Variants in DYNC1I1 observed in about 807,000 individuals in gnomAD.
DYNC1I1 encodes the protein dynein cytoplasmic 1 intermediate chain 1, also known as cytoplasmic dynein 1 intermediate chain 1.
In DYNC1I1, 43 loss-of-function variants were observed where a neutral mutation model predicts 86.6. The observed-to-expected ratio is 0.50, with a 90% CI of 0.39 to 0.64. The LOEUF (loss-of-function observed/expected upper bound fraction) is 0.64, where lower values mean the gene tolerates loss of function less well. Ranked by LOEUF, DYNC1I1 falls within the 30% of genes least tolerant of loss-of-function variation. DYNC1I1 has a pLI of 0.00. For synonymous variants in DYNC1I1, 262 were observed against 283.7 expected (o/e 0.92, Z 0.77); for missense variants, 604 against 788.8 (o/e 0.77, Z 2.81).
At position 95,977,579 on chromosome 7, in the gene DYNC1I1, C is replaced by G. The variant is rs753670141; in HGVS notation, c.558C>G (p.Asp186Glu). 9 of 1,609,362 alleles carry G rather than the reference C, an allele frequency of 5.6e-6. No homozygotes were observed. The highest frequency in any genetic ancestry group is 2.7e-5 in the African/African-American group (2 of 74,490). ...VGQDSELENQ[D>E]KKQEVKEAPP... is the part of the protein sequence containing the mutation. ...AGGACTCAGAACTGGAAAATCAGGA[C>G]AAAAAACAGGAAGTGAAGGAAGGTA... Residue 186 changes from aspartate to glutamate, a missense_variant, in exon 7 of 17, where the codon GAC becomes GAG. Coordinates refer to ENST00000447467, the MANE Select transcript of DYNC1I1 (RefSeq NM_001135556.2).
intron 14 of DYNC1I1, among the ~76,000 whole-genome samples, chr7:96,057,808 C>T (rs895876441): frequency 6.6e-6 from 1 of 152,100 alleles, no homozygotes; most frequent in Non-Finnish European, 1.5e-5. Flanking sequence ...TGACCAATTA[C>T]ATATCAATTA....
At chr7:95,905,052 G>A (rs1033671658) in intron 6 of DYNC1I1, among the ~76,000 whole-genome samples, 3 of 152,162 alleles carry the variant, frequency 2.0e-5, no homozygotes, top group African/African-American at 7.2e-5. Context: ...CCCTGTGTAA[G>A]TTCTCTAGTT....
intron 7 of DYNC1I1, among the ~76,000 whole-genome samples, chr7:95,981,632 T>C (rs1793461349): frequency 6.6e-6 from 1 of 152,132 alleles, no homozygotes; most frequent in South Asian, 2.1e-4. Context: ...GTGTAGAATC[T>C]ACTTCTTCTT....
rs184064986 is a variant in DYNC1I1 at position 95,933,522 on chromosome 7, G to C, written c.491-43990G>C. Among the ~76,000 whole-genome samples the C allele has an allele frequency of 1.6e-4, 24 of 152,302 alleles. No homozygotes were observed. In the East Asian group the frequency reaches 4.1e-3, roughly 26 times the overall value. On this transcript the variant is annotated intron_variant, in intron 6 of 16. Coordinates refer to ENST00000447467, the MANE Select transcript of DYNC1I1 (RefSeq NM_001135556.2). ...TTCTTGTAAAGCAAGAGTAATAATT[G>C]ATGCTCACGTGAATTGACATTTTTG...
chr7:95,988,046 T>C (rs1793640186), intron 9 of DYNC1I1, among the ~76,000 whole-genome samples: 1 of 152,184 alleles, frequency 6.6e-6, no homozygotes, highest in African/African-American at 2.4e-5. Context: ...AGTTTTCCCC[T>C]GGAGAAATCT....
chr7:95,774,823 A>G (rs995152675), intron 1 of DYNC1I1, among the ~76,000 whole-genome samples: 2 of 152,162 alleles, frequency 1.3e-5, no homozygotes, highest in African/African-American at 4.8e-5. Context: ...CCAAATCTGA[A>G]ATCTAGGTAC....
In DYNC1I1 at chr7:96,035,709, G is replaced by A. The variant is rs1318636318; in HGVS notation, c.1321G>A (p.Gly441Ser). 8.1e-6 allele frequency: 13 copies of A among 1,612,106 alleles called. No homozygotes were observed. Among genetic ancestry groups the A allele is most frequent in the East Asian group, 2.2e-5 (1 of 44,768 alleles). ...PTGDVNNFVV[G>S]SEEGTVYTAC... The stretch of plus-strand genomic sequence containing the variant: ...GGGAGACGTCAATAACTTCGTGGTT[G>A]GCAGTGAGGAAGGTACAGTCTACAC... Residue 441 changes from glycine (G) to serine (S), a missense_variant, in exon 13 of 17, where the codon GGC becomes AGC. Transcript: ENST00000447467.
At chr7:95,854,235 G>C (rs1354811051) in intron 5 of DYNC1I1, among the ~76,000 whole-genome samples, 1 of 151,744 alleles carries the variant, frequency 6.6e-6, no homozygotes, top group Non-Finnish European at 1.5e-5. Context: ...GTCTTGCTGT[G>C]TTCCTTTGTA....
chr7:95,847,332 G>T (rs1420152326), intron 5 of DYNC1I1, among the ~76,000 whole-genome samples: 1 of 152,008 alleles, frequency 6.6e-6, no homozygotes, highest in Admixed American at 6.6e-5. Context: ...TTCTCTGGCT[G>T]CTCCCTTTGA....
intron 14 of DYNC1I1, among the ~76,000 whole-genome samples, chr7:96,065,378 C>CTTTTTTTTTTTTTTTTTTTTTTTTTTTT (rs34423655): frequency 7.8e-6 from 1 of 127,584 alleles, no homozygotes. Context: ...TTCTTTCTTT[C>CTTTTTTTTTTTTTTTTTTTTTTTTTTTT]TTTTTTTTTT....
At chr7:95,843,016 G>A (rs992583348) in intron 5 of DYNC1I1, among the ~76,000 whole-genome samples, 1 of 151,966 alleles carries the variant, frequency 6.6e-6, no homozygotes. Context: ...TTTTTAGTTG[G>A]GACAGGAGCA....
At chr7:96,007,419 C>A (rs1208156547) in intron 10 of DYNC1I1, among the ~76,000 whole-genome samples, 4 of 152,154 alleles carry the variant, frequency 2.6e-5, no homozygotes, top group Non-Finnish European at 5.9e-5. Context: ...CACCTCAAAA[C>A]TCTTCTAAAG....
chr7:95,873,441 C>G (rs570644726), intron 6 of DYNC1I1, among the ~76,000 whole-genome samples: 2 of 152,176 alleles, frequency 1.3e-5, no homozygotes, highest in African/African-American at 4.8e-5. Context: ...CCTGCAAAAC[C>G]CAGAATGACC....
intron 6 of DYNC1I1, among the ~76,000 whole-genome samples, chr7:95,950,493 T>C (rs1405238109): frequency 1.3e-5 from 2 of 152,176 alleles, no homozygotes; most frequent in Non-Finnish European, 2.9e-5. Flanking sequence ...TTAATTATAA[T>C]TTGTCTGTTC....
intron 16 of DYNC1I1, among the ~76,000 whole-genome samples, chr7:96,094,666 A>G (rs931979640): frequency 7.2e-5 from 11 of 152,344 alleles, no homozygotes; most frequent in African/African-American, 2.6e-4. Flanking sequence ...TACTTAAAGT[A>G]CTTCCTGATG....
At chr7:95,914,825 G>A (rs987481611) in intron 6 of DYNC1I1, among the ~76,000 whole-genome samples, 1 of 152,142 alleles carries the variant, frequency 6.6e-6, no homozygotes, top group Non-Finnish European at 1.5e-5. Flanking sequence ...GTGGCACATG[G>A]TCTCGTGGCC....
chr7:96,012,051 C>A (rs1011647550), intron 10 of DYNC1I1, among the ~76,000 whole-genome samples: 2 of 152,054 alleles, frequency 1.3e-5, no homozygotes, highest in African/African-American at 4.8e-5. Context: ...ATTTTATCTG[C>A]GTTGGTGGGA....
chr7:96,028,723 C>T (rs1794740421), intron 11 of DYNC1I1, among the ~76,000 whole-genome samples: 1 of 152,204 alleles, frequency 6.6e-6, no homozygotes, highest in Non-Finnish European at 1.5e-5. Context: ...CTTTTGCCAA[C>T]TGGCCTTTTC....
intron 11 of DYNC1I1, 34 bp downstream of exon 11, chr7:96,028,355 G>T (rs532323215): frequency 1.3e-6 from 2 of 1,567,482 alleles, no homozygotes; most frequent in Non-Finnish European, 1.7e-6. Context: ...CCTGTGAGCC[G>T]CCAGGCCCTG....
Sources: gnomAD v4.1 joint callset for allele counts (sites outside exome capture counted in the v4.1 genomes callset) on GRCh38, gnomAD v4.1.1 for gene constraint, MANE v1.5 for transcripts, NCBI Gene and HGNC (gene_info 2026-07-23, HGNC 2026-07-21) for gene names.